The following PDE1A variants were observed in gnomAD, a reference collection of about 807,000 sequenced individuals.
The protein encoded by PDE1A is phosphodiesterase 1A.
A neutral mutation model predicts 61.7 loss-of-function variants in PDE1A; 35 were observed. The observed-to-expected ratio is 0.57, with a 90% CI of 0.43 to 0.75. PDE1A has a LOEUF of 0.75. Ranked by LOEUF, PDE1A falls within the 30% of genes least tolerant of loss-of-function variation. The pLI is 0.00. For missense variants in PDE1A, 597 were observed against 630.6 expected, an observed-to-expected ratio of 0.95 and a Z score of 0.57; for synonymous variants, 232 against 213.2, an observed-to-expected ratio of 1.09 and a Z score of -0.77.
chr2:182,337,923 A>G (rs572312117), intron 1 of PDE1A, among the ~76,000 whole-genome samples: 256 of 152,324 alleles, frequency 1.7e-3, no homozygotes, highest in Non-Finnish European at 2.7e-3. Flanking sequence ...TTCATCCTCA[A>G]TGACCTACCT....
chr2:182,499,919 C>G (rs1354201593), intron 2 of PDE1A, among the ~76,000 whole-genome samples: 2 of 152,234 alleles, frequency 1.3e-5, no homozygotes, highest in Non-Finnish European at 1.5e-5. Context: ...AAAGGGCAGT[C>G]CCAGGGGATG....
intron 2 of PDE1A, among the ~76,000 whole-genome samples, chr2:182,466,948 T>C (rs1686708869): frequency 6.6e-6 from 1 of 152,030 alleles, no homozygotes; most frequent in African/African-American, 2.4e-5. Flanking sequence ...GCTCTTCCCA[T>C]ACGGGTATAC....
chr2:182,294,879 T>G (rs1212636007), intron 1 of PDE1A, among the ~76,000 whole-genome samples: 1 of 151,686 alleles, frequency 6.6e-6, no homozygotes, highest in Admixed American at 6.6e-5. Flanking sequence ...AAATCAAAGT[T>G]ATAAGGGAAC....
At chr2:182,585,628 T>G in the PDE1A span, among the ~76,000 whole-genome samples, 4 of 152,300 alleles carry the variant, frequency 2.6e-5, no homozygotes, top group South Asian at 8.3e-4. Context: ...GCTTTTCTCC[T>G]GGCAAGAACA....
chr2:182,514,535 C>T (rs1690016733), intron 2 of PDE1A, among the ~76,000 whole-genome samples: 1 of 152,116 alleles, frequency 6.6e-6, no homozygotes, highest in African/African-American at 2.4e-5. Context: ...ACCATCTGAT[C>T]TCCAACAAAG....
At chr2:182,655,849 G>T in the PDE1A span, among the ~76,000 whole-genome samples, 1 of 152,174 alleles carries the variant, frequency 6.6e-6, no homozygotes, top group Non-Finnish European at 1.5e-5. Context: ...TAGGAAACCT[G>T]CCAAGGCTTC....
intron 2 of PDE1A, among the ~76,000 whole-genome samples, chr2:182,472,847 A>G (rs1314681756): frequency 6.6e-6 from 1 of 151,914 alleles, no homozygotes; most frequent in Admixed American, 6.6e-5. Context: ...ACTTTTTTTA[A>G]ATAAATACAT....
At chr2:182,540,381 AAAAAGCAGCAGCAGC>A in the PDE1A span, among the ~76,000 whole-genome samples, 164 of 121,368 alleles carry the variant, frequency 1.4e-3, 1 homozygote, top group Middle Eastern at 4.5e-3. Flanking sequence ...AAAAAAAAAA[AAAAAGCAGCAGCAGC>A]AGCAGCAGCA....
chr2:182,716,777 C>G, the PDE1A span, among the ~76,000 whole-genome samples: 19 of 152,172 alleles, frequency 1.2e-4, no homozygotes, highest in African/African-American at 3.9e-4. Flanking sequence ...TTACCCCTCT[C>G]CCCTCTCCCA....
chr2:182,581,929 G>A, the PDE1A span, among the ~76,000 whole-genome samples: 763 of 152,172 alleles, frequency 5.0e-3, 2 homozygotes, highest in Non-Finnish European at 8.9e-3. Context: ...AATCCTATGC[G>A]TTTTTAAAAT....
At chr2:182,684,297 A>G in the PDE1A span, among the ~76,000 whole-genome samples, 3 of 152,314 alleles carry the variant, frequency 2.0e-5, no homozygotes, top group African/African-American at 7.2e-5. Flanking sequence ...TAATATATGT[A>G]CATTGTGTAT....
At chr2:182,524,045 T>C (rs1181094337), upstream of PDE1A, among the ~76,000 whole-genome samples, 1 of 152,202 alleles carries the variant, frequency 6.6e-6, no homozygotes, top group African/African-American at 2.4e-5. Context: ...TGTCTTTAGC[T>C]AGCAGACAGC....
chr2:182,712,609 T>G, the PDE1A span, among the ~76,000 whole-genome samples: 17 of 152,248 alleles, frequency 1.1e-4, no homozygotes, highest in Admixed American at 3.9e-4. Flanking sequence ...TAAGCTGGAG[T>G]GCAGTGGCCT....
downstream of PDE1A, among the ~76,000 whole-genome samples, chr2:182,145,035 C>T (rs1490202152): frequency 6.6e-6 from 1 of 152,160 alleles, no homozygotes; most frequent in Non-Finnish European, 1.5e-5. Context: ...CCAATCGTCA[C>T]CCCTCCTGTT....
the PDE1A span, among the ~76,000 whole-genome samples, chr2:182,672,519 G>T: frequency 2.0e-5 from 3 of 152,196 alleles, no homozygotes; most frequent in African/African-American, 7.2e-5. Context: ...AACAAAAAGA[G>T]AATTTATAAA....
chr2:182,615,391 A>C, the PDE1A span, among the ~76,000 whole-genome samples: 255 of 152,336 alleles, frequency 1.7e-3, 4 homozygotes, highest in African/African-American at 5.9e-3. Flanking sequence ...AAAAAGTGGT[A>C]GTTATTTATA....
intron 2 of PDE1A, among the ~76,000 whole-genome samples, chr2:182,484,126 A>C (rs1321548363): frequency 6.6e-6 from 1 of 151,986 alleles, no homozygotes; most frequent in Non-Finnish European, 1.5e-5. Context: ...CCCACAGAGG[A>C]AAATTCAGGC....
chr2:182,302,268 T>C (rs542335564), intron 1 of PDE1A, among the ~76,000 whole-genome samples: 2 of 152,292 alleles, frequency 1.3e-5, no homozygotes, highest in Non-Finnish European at 2.9e-5. Flanking sequence ...GTAAGATAGA[T>C]TGCAATAGAA....
the PDE1A span, among the ~76,000 whole-genome samples, chr2:182,639,401 CT>C: frequency 3.3e-5 from 5 of 152,062 alleles, no homozygotes. Context: ...AAACCCGTCT[CT>C]TACAAAAATA....
Sources: gnomAD v4.1 joint callset for allele counts (sites outside exome capture counted in the v4.1 genomes callset) on GRCh38, gnomAD v4.1.1 for gene constraint, MANE v1.5 for transcripts, NCBI Gene and HGNC (gene_info 2026-07-23, HGNC 2026-07-21) for gene names.